The following PTPRT variants were observed in gnomAD, a reference collection of about 807,000 sequenced individuals.
PTPRT encodes receptor-type tyrosine-protein phosphatase T.
PTPRT carries 56 observed loss-of-function variants against 176.8 expected under a neutral mutation model. The observed-to-expected ratio is 0.32, with a 90% CI of 0.26 to 0.40. PTPRT has a LOEUF of 0.40. Among genes scored for constraint, PTPRT ranks in the 10% least tolerant of loss-of-function variants. The probability of loss-of-function intolerance (pLI) is 1.00; values close to 1 mark genes in which losing one functional copy is unlikely to be tolerated. For missense variants in PTPRT, 1,540 were observed against 1,908.2 expected, an observed-to-expected ratio of 0.81 and a Z score of 3.60; for synonymous variants, 783 against 739.0, an observed-to-expected ratio of 1.06 and a Z score of -0.96.
At chr20:42,823,045 CCAGAGGAACG>C (rs2077926048) in intron 2 of PTPRT, among the ~76,000 whole-genome samples, 1 of 152,018 alleles carries the variant, frequency 6.6e-6, no homozygotes, top group Admixed American at 6.6e-5. Context: ...GGGTATATAC[CCAGAGGAACG>C]CAAATCATTC....
At chr20:42,237,254 G>T (rs1411741938) in intron 14 of PTPRT, among the ~76,000 whole-genome samples, 6 of 152,302 alleles carry the variant, frequency 3.9e-5, no homozygotes, top group Admixed American at 3.9e-4. Context: ...GGGGTAGTTT[G>T]TTACATGGCA....
intron 7 of PTPRT, among the ~76,000 whole-genome samples, chr20:42,553,749 T>C (rs1390452332): frequency 6.6e-6 from 1 of 152,108 alleles, no homozygotes; most frequent in East Asian, 1.9e-4. Flanking sequence ...TTAGAGTTTA[T>C]CCAGTCACGG....
chr20:42,963,247 G>A (rs1982106302), intron 1 of PTPRT, among the ~76,000 whole-genome samples: 1 of 151,258 alleles, frequency 6.6e-6, no homozygotes, highest in Non-Finnish European at 1.5e-5. Context: ...TTAACCAGAT[G>A]TGGTAGCAAG....
At chr20:42,819,065 T>C (rs77687667) in intron 2 of PTPRT, among the ~76,000 whole-genome samples, 46,280 of 151,742 alleles carry the variant, frequency 0.3, 8,454 homozygotes, top group Non-Finnish European at 0.42. Flanking sequence ...ATTAAGATAC[T>C]CTCCAACAAG....
intron 7 of PTPRT, among the ~76,000 whole-genome samples, chr20:42,593,030 A>C (rs2073607257): frequency 6.6e-6 from 1 of 152,212 alleles, no homozygotes; most frequent in African/African-American, 2.4e-5. Context: ...TAATGACTCA[A>C]ACCAAAGAGC....
intron 2 of PTPRT, among the ~76,000 whole-genome samples, chr20:42,831,674 C>T (rs2078091400): frequency 6.6e-6 from 1 of 152,024 alleles, no homozygotes; most frequent in Non-Finnish European, 1.5e-5. Context: ...AACTTAAACA[C>T]ATTTATGAGA....
chr20:42,057,436 TTGTGAGCCATAC>T, the PTPRT span, among the ~76,000 whole-genome samples: 1 of 152,144 alleles, frequency 6.6e-6, no homozygotes, highest in African/African-American at 2.4e-5. Flanking sequence ...CCTGTTGGGT[TTGTGAGCCATAC>T]TGTTGACCCT....
intron 7 of PTPRT, among the ~76,000 whole-genome samples, chr20:42,662,141 T>C (rs1180463098): frequency 6.6e-6 from 1 of 152,184 alleles, no homozygotes; most frequent in Non-Finnish European, 1.5e-5. Context: ...ACTGTCCTCT[T>C]AATATGTTGT....
At chr20:42,403,457 TTAC>T (rs2058930941) in intron 9 of PTPRT, among the ~76,000 whole-genome samples, 1 of 152,298 alleles carries the variant, frequency 6.6e-6, no homozygotes, top group East Asian at 1.9e-4. Context: ...CATCAAATAG[TTAC>T]TACTACTACC....
chr20:42,702,995 G>A lies in PTPRT; in HGVS notation c.860-24836C>T, dbSNP rs114810257. Among the ~76,000 whole-genome samples, 682 of 152,348 alleles carry A rather than the reference G, an allele frequency of 4.5e-3. 7 individuals carry two copies. The highest frequency in any genetic ancestry group is 0.016 in the African/African-American group (663 of 41,580). On this transcript the variant is annotated intron_variant, in intron 6 of 30. Coordinates refer to ENST00000373187, the MANE Select transcript of PTPRT (RefSeq NM_007050.6). ...TGGTTTGGGATTTATCCTGCCAGCA[G>A]CAGGGTATGATCAGAGTAGGTTCAG...
intron 15 of PTPRT, among the ~76,000 whole-genome samples, chr20:42,210,545 A>G (rs192115591): frequency 0.013 from 2,019 of 152,282 alleles, 21 homozygotes; most frequent in Admixed American, 0.019. Context: ...CCCATTCACA[A>G]TTGCCTCAAA....
chr20:42,636,432 C>A (rs1023737183), intron 7 of PTPRT, among the ~76,000 whole-genome samples: 19 of 151,932 alleles, frequency 1.3e-4, no homozygotes, highest in Admixed American at 1.2e-3. Flanking sequence ...AGAAGCAAAC[C>A]TTTGGTGAAG....
chr20:42,522,407 C>G (rs1179564117), intron 7 of PTPRT, among the ~76,000 whole-genome samples: 1 of 151,894 alleles, frequency 6.6e-6, no homozygotes, highest in Non-Finnish European at 1.5e-5. Flanking sequence ...TAGTTCTCAT[C>G]TGACTCGTAG....
chr20:42,662,249 A>G (rs1405330176), intron 7 of PTPRT, among the ~76,000 whole-genome samples: 1 of 152,156 alleles, frequency 6.6e-6, no homozygotes, highest in Non-Finnish European at 1.5e-5. Context: ...TAGGTAATAT[A>G]TTGATAATGA....
At chr20:42,222,511 TTC>T (rs2055908792) in intron 15 of PTPRT, among the ~76,000 whole-genome samples, 1 of 152,164 alleles carries the variant, frequency 6.6e-6, no homozygotes, top group Non-Finnish European at 1.5e-5. Context: ...TCCCCTGTCT[TTC>T]TGATTGTGGG....
At chr20:42,691,513 G>A (rs1261963934) in intron 6 of PTPRT, among the ~76,000 whole-genome samples, 2 of 152,134 alleles carry the variant, frequency 1.3e-5, no homozygotes, top group Non-Finnish European at 2.9e-5. Flanking sequence ...TGTCAGGAAG[G>A]GGTGTCCAGA....
At chr20:42,484,223 A>T (rs2071432368) in intron 7 of PTPRT, among the ~76,000 whole-genome samples, 1 of 152,060 alleles carries the variant, frequency 6.6e-6, no homozygotes, top group South Asian at 2.1e-4. Flanking sequence ...TTTCCCACAG[A>T]TCCTAAGCCA....
intron 1 of PTPRT, among the ~76,000 whole-genome samples, chr20:43,167,997 T>C (rs1406437688): frequency 6.6e-6 from 1 of 152,230 alleles, no homozygotes; most frequent in African/African-American, 2.4e-5. Flanking sequence ...AATAAATGTG[T>C]GTTAAGTGGC....
chr20:42,067,115 G>C, the PTPRT span, among the ~76,000 whole-genome samples: 2 of 152,168 alleles, frequency 1.3e-5, no homozygotes, highest in African/African-American at 4.8e-5. Context: ...CTTGCTCAGA[G>C]TTGGGGTCTG....
Sources: allele counts gnomAD v4.1 joint callset (sites outside exome capture counted in the v4.1 genomes callset), GRCh38; gene constraint gnomAD v4.1.1; transcripts MANE v1.5; gene names NCBI Gene and HGNC (gene_info 2026-07-23, HGNC 2026-07-21).